Variants in NBEAL1 observed in about 807,000 individuals in gnomAD.
NBEAL1 encodes neurobeachin-like protein 1.
NBEAL1 carries 273 observed loss-of-function variants against 351.3 expected under a neutral mutation model. The ratio of observed to expected loss-of-function variants is 0.78; its 90% CI spans 0.70 to 0.86. The LOEUF (loss-of-function observed/expected upper bound fraction) is 0.86, where lower values mean the gene tolerates loss of function less well. Ranked by LOEUF, NBEAL1 falls within the 40% of genes least tolerant of loss-of-function variation. The probability of loss-of-function intolerance (pLI) is 0.00; values close to 1 mark genes in which losing one functional copy is unlikely to be tolerated. For missense variants in NBEAL1, 2,961 were observed against 3,201.3 expected, an observed-to-expected ratio of 0.92 and a Z score of 1.81; for synonymous variants, 1,050 against 1,086.4, an observed-to-expected ratio of 0.97 and a Z score of 0.66.
intron 12 of NBEAL1, 77 bp from the exon 13 acceptor site, chr2:203,107,340 GTAT>G (rs1158032018): frequency 1.5e-5 from 10 of 665,570 alleles, no homozygotes; most frequent in East Asian, 5.6e-5. Context: ...GCATAAATGA[GTAT>G]TATTTAATAT....
Position 203,167,280 on chromosome 2 carries a change from C to T in NBEAL1, c.5917C>T (p.Arg1973Trp), listed in dbSNP as rs765667213. ...TTCTCAAATTCGAGAGATTCATCTC[C>T]GGCGTTACAATTTAAGAAGATCAGC... is the stretch of plus-strand genomic sequence containing the variant. ...PHSQIREIHLRRYNLRRSALE... is the reference protein window; with the variant it reads ...PHSQIREIHLWRYNLRRSALE... The change falls in exon 38 of 56, where the codon CGG becomes TGG. Residue 1973 changes from arginine to tryptophan, a missense_variant. Transcript: ENST00000683969. 20 of 1,611,904 alleles carry T rather than the reference C, an allele frequency of 1.2e-5. 1 individual carries two copies. The highest frequency in any genetic ancestry group is 6.6e-5 in the South Asian group (6 of 90,672).
chr2:203,183,290 G>A lies in NBEAL1; in HGVS notation c.6607G>A (p.Gly2203Ser). Residue 2203 changes from glycine (G) to serine (S), a missense_variant, in exon 44 of 56, where the codon GGT becomes AGT. Coordinates refer to ENST00000683969, the MANE Select transcript of NBEAL1 (RefSeq NM_001378026.1). ...TTTACATGTCTTAGAATTTAACTTG[G>A]GTCGTCTACAGATTTCCAAAGAATT... ...FLENQNQFNLGRLQISKELVN... is the reference protein window; with the variant it reads ...FLENQNQFNLSRLQISKELVN... 6.4e-7 allele frequency: 1 copy of A among 1,564,750 alleles called. No individual in the cohort carries two copies. Among genetic ancestry groups the A allele is most frequent in the Admixed American group, 1.9e-5 (1 of 52,156 alleles).
chr2:203,146,110 A>G (rs1198422633), intron 33 of NBEAL1, among the ~76,000 whole-genome samples: 1 of 152,092 alleles, frequency 6.6e-6, no homozygotes, highest in African/African-American at 2.4e-5. Context: ...GACTACTACA[A>G]ACCACTCTAT....
At chr2:203,135,393 A>T (rs1421597339) in intron 27 of NBEAL1, among the ~76,000 whole-genome samples, 1 of 152,112 alleles carries the variant, frequency 6.6e-6, no homozygotes, top group East Asian at 1.9e-4. Flanking sequence ...CTATTATTTA[A>T]CATATACCAT....
intron 46 of NBEAL1, 35 bp downstream of exon 46, chr2:203,190,424 AC>A (rs1372991426): frequency 6.9e-7 from 1 of 1,443,378 alleles, no homozygotes; most frequent in Non-Finnish European, 9.6e-7. Flanking sequence ...ATTTAAGTCA[AC>A]TTAAGAAGTA....
In NBEAL1 at chr2:203,034,705, C is replaced by T. The variant is rs564780450; in HGVS notation, c.52-7060C>T. ...CTGATCTCAGGTGATCTGCCTGCTT[C>T]GGCCTCCCAAAGTGTTGGGATTACA... On this transcript the variant is annotated intron_variant, in intron 2 of 55. Transcript: ENST00000683969. Among the ~76,000 whole-genome samples, 16 of 148,408 alleles carry T rather than the reference C, an allele frequency of 1.1e-4. 1 individual carries two copies. The highest frequency in any genetic ancestry group is 6.1e-4 in the Admixed American group (9 of 14,648).
intron 8 of NBEAL1, among the ~76,000 whole-genome samples, chr2:203,080,343 C>T (rs1190969286): frequency 3.9e-5 from 6 of 152,104 alleles, no homozygotes; most frequent in African/African-American, 1.2e-4. Flanking sequence ...ACCCGGGAGG[C>T]GGAGCTTGCA....
At position 203,127,833 on chromosome 2, in the gene NBEAL1, A is replaced by T; in HGVS notation, c.3301A>T (p.Thr1101Ser). The change falls in exon 24 of 56, where the codon ACT becomes TCT. Residue 1101 changes from threonine to serine, a missense_variant. Physicochemically the swap from Thr to Ser is moderately conservative, Grantham distance 58. Transcript: ENST00000683969. ...TCTAGATGATATTCGAACAATAAGG[A>T]CTTCTTTGTATGGACTAATTAAATA... ...LSLDDIRTIR[T>S]SLYGLIKYFL... The T allele has an allele frequency of 6.5e-7, 1 of 1,534,260 alleles. No homozygotes were observed. The highest frequency in any genetic ancestry group is 8.9e-7 in the Non-Finnish European group (1 of 1,129,802).
intron 2 of NBEAL1, among the ~76,000 whole-genome samples, chr2:203,019,646 G>A (rs2060735639): frequency 6.6e-6 from 1 of 152,152 alleles, no homozygotes; most frequent in South Asian, 2.1e-4. Flanking sequence ...ATATTCCACA[G>A]TGTATTAACA....
At chr2:203,141,652 G>A (rs2063386103) in intron 31 of NBEAL1, among the ~76,000 whole-genome samples, 1 of 151,566 alleles carries the variant, frequency 6.6e-6, no homozygotes, top group Non-Finnish European at 1.5e-5. Flanking sequence ...CAAAGTTCTG[G>A]AATTACAGGT....
At chr2:203,178,994 GTC>G (rs1456801212) in intron 42 of NBEAL1, among the ~76,000 whole-genome samples, 1 of 152,120 alleles carries the variant, frequency 6.6e-6, no homozygotes, top group Non-Finnish European at 1.5e-5. Context: ...GTTTTAGATG[GTC>G]AGATGTCTAT....
chr2:203,217,896 A>T lies in NBEAL1; in HGVS notation c.*542A>T, dbSNP rs2065914365. On this transcript the variant is annotated 3_prime_UTR_variant, in exon 56 of 56. Transcript: ENST00000683969. Reference sequence around the variant, plus strand: ...AAAATAAGAATATTGAAACTGGTACATTAGCTAATTCTATTACTACTTAGC... The same window carrying T: ...AAAATAAGAATATTGAAACTGGTACTTTAGCTAATTCTATTACTACTTAGC... 1 of 979,704 alleles carries T rather than the reference A, an allele frequency of 1.0e-6. No homozygotes were observed. Among genetic ancestry groups the T allele is most frequent in the Non-Finnish European group, 1.2e-6 (1 of 824,842 alleles). The allele number at this position is 979,704 out of a possible 1,614,324, so 60.7% of individuals were successfully genotyped here. A position where few individuals can be genotyped will look rare whatever the true frequency, so the allele number is the denominator to read the frequency against.
rs956500975 is a variant in NBEAL1 at position 203,118,695 on chromosome 2, G to A, written c.2592+2625G>A. Among the ~76,000 whole-genome samples, 21 of 151,700 alleles carry A rather than the reference G, an allele frequency of 1.4e-4. No individual in the cohort carries two copies. In the Middle Eastern group the frequency reaches 0.01, roughly 74 times the overall value. Reference sequence around the variant, plus strand: ...CAGCCTCTGCCTCCCAGGTTCAAGCGATTCTCTTGCCTCAGCCTCCCAAGT... The same window carrying A: ...CAGCCTCTGCCTCCCAGGTTCAAGCAATTCTCTTGCCTCAGCCTCCCAAGT... On this transcript the variant is annotated intron_variant, in intron 18 of 55. Coordinates refer to ENST00000683969, the MANE Select transcript of NBEAL1 (RefSeq NM_001378026.1).
Position 203,049,925 on chromosome 2 carries a change from A to G in NBEAL1, c.255A>G (p.Gln85=). ...VQKMADGLEE[Q]QQALSILLVK... ...AAATGGCAGATGGGTTAGAGGAACA[A>G]CAGCAAGCCTTGTCAATTTTGCTTG... The change falls in exon 4 of 56, where the codon CAA becomes CAG. Residue 85 remains glutamine, a synonymous_variant. Coordinates refer to ENST00000683969, the MANE Select transcript of NBEAL1 (RefSeq NM_001378026.1). 1.9e-6 allele frequency: 3 copies of G among 1,556,014 alleles called. No individual in the cohort carries two copies. Among genetic ancestry groups the G allele is most frequent in the Middle Eastern group, 1.7e-4 (1 of 5,994 alleles).
chr2:203,040,046 A>G (rs942915957), intron 2 of NBEAL1: 10 of 647,846 alleles, frequency 1.5e-5, no homozygotes, highest in African/African-American at 5.4e-5. Context: ...CATTGAGAAT[A>G]TGTCATTTAA....
chr2:203,081,357 A>G (rs1574942921), intron 8 of NBEAL1, among the ~76,000 whole-genome samples: 1 of 152,214 alleles, frequency 6.6e-6, no homozygotes, highest in Admixed American at 6.5e-5. Flanking sequence ...ATCTCTAACT[A>G]GTTATGTGAC....
intron 46 of NBEAL1, among the ~76,000 whole-genome samples, chr2:203,192,460 C>T (rs1286474833): frequency 1.3e-5 from 2 of 151,176 alleles, no homozygotes; most frequent in Non-Finnish European, 2.9e-5. Context: ...TCTCGGGTTA[C>T]TCCAACCTCT....
In NBEAL1 at chr2:203,157,626, A is replaced by G; in HGVS notation, c.5588-73A>G. 4.5e-6 allele frequency: 5 copies of G among 1,106,192 alleles called. No individual in the cohort carries two copies. The South Asian group carries it at 1.0e-4, about 23-fold the overall frequency. 68.5% of individuals were successfully genotyped at this position (1,106,192 alleles called of 1,614,324 possible). ...TCTAACAGTCAGGAACACAATTAGC[A>G]GTCAGAAATTACAGAAAGGCTATAA... is the stretch of plus-strand genomic sequence containing the variant. On this transcript the variant is annotated intron_variant, in intron 35 of 55. Coordinates refer to ENST00000683969, the MANE Select transcript of NBEAL1 (RefSeq NM_001378026.1).
At chr2:203,167,789 C>T (rs535994045) in intron 38 of NBEAL1, among the ~76,000 whole-genome samples, 1 of 152,300 alleles carries the variant, frequency 6.6e-6, no homozygotes, top group East Asian at 1.9e-4. Context: ...CTGTCTCCAC[C>T]AGTAGCTGTG....
Sources: gnomAD v4.1 joint callset for allele counts (sites outside exome capture counted in the v4.1 genomes callset) on GRCh38, gnomAD v4.1.1 for gene constraint, MANE v1.5 for transcripts, NCBI Gene and HGNC (gene_info 2026-07-23, HGNC 2026-07-21) for gene names.